The following SLC16A2 variants were observed in gnomAD, a reference collection of about 807,000 sequenced individuals.
SLC16A2 encodes solute carrier family 16 member 2, also known as monocarboxylate transporter 8.
A neutral mutation model predicts 27.2 loss-of-function variants in SLC16A2; 3 were observed. That is an observed-to-expected ratio of 0.11 (90% CI 0.05 to 0.28). The LOEUF (loss-of-function observed/expected upper bound fraction) is 0.28, where lower values mean the gene tolerates loss of function less well. SLC16A2 is among the 10% of genes least tolerant of loss of function. SLC16A2 has a pLI of 1.00. For synonymous variants in SLC16A2, 202 were observed against 187.8 expected (o/e 1.08, Z -0.62); for missense variants, 295 against 458.5 (o/e 0.64, Z 3.26).
chrX:74,479,876 A>G (rs765698210), intron 1 of SLC16A2, among the ~76,000 whole-genome samples: 1 of 111,716 alleles, frequency 9.0e-6, no homozygotes, highest in South Asian at 3.8e-4. Flanking sequence ...CAGCCGTGTG[A>G]GTTGTCAGTC....
At position 74,498,924 on chromosome X, in the gene SLC16A2, G is replaced by T. The variant is rs143920908; in HGVS notation, c.431-22066G>T. ...TTTTGGCTACTGGCCCAGGTAAGGG[G>T]CCTGTGCCTATGGAATACAGTGGGT... On this transcript the variant is annotated intron_variant, in intron 1 of 5. Coordinates refer to ENST00000587091, the MANE Select transcript of SLC16A2 (RefSeq NM_006517.5). Among the ~76,000 whole-genome samples, 508 of 111,730 alleles carry T rather than the reference G, an allele frequency of 4.5e-3. 2 individuals carry two copies. Among genetic ancestry groups the T allele is most frequent in the African/African-American group, 0.016 (495 of 30,689 alleles).
intron 1 of SLC16A2, among the ~76,000 whole-genome samples, chrX:74,510,376 G>A (rs1215297610): frequency 1.8e-5 from 2 of 109,685 alleles, no homozygotes; most frequent in African/African-American, 3.3e-5. Flanking sequence ...ACACTGGTGT[G>A]TTTTAGTAAA....
intron 1 of SLC16A2, among the ~76,000 whole-genome samples, chrX:74,427,089 C>T (rs1297262696): frequency 8.9e-6 from 1 of 112,022 alleles, no homozygotes; most frequent in Non-Finnish European, 1.9e-5. Context: ...AGCGTTTGAA[C>T]CTGTTCCTCA....
At chrX:74,436,210 T>C (rs1182654949) in intron 1 of SLC16A2, among the ~76,000 whole-genome samples, 1 of 111,819 alleles carries the variant, frequency 8.9e-6, no homozygotes, top group East Asian at 2.8e-4. Context: ...TGTGTGTGTG[T>C]GTGTGTGCGC....
At chrX:74,450,402 A>T (rs1313918240) in intron 1 of SLC16A2, among the ~76,000 whole-genome samples, 1 of 111,719 alleles carries the variant, frequency 9.0e-6, no homozygotes, top group East Asian at 2.8e-4. Flanking sequence ...TTTGGGTCTA[A>T]GTCTCTTCCT....
At chrX:74,440,584 G>T (rs568134741) in intron 1 of SLC16A2, among the ~76,000 whole-genome samples, 1 of 101,360 alleles carries the variant, frequency 9.9e-6, no homozygotes, top group Non-Finnish European at 2.0e-5. Flanking sequence ...TTAGCCAAGC[G>T]TGTTTATTTC....
At chrX:74,488,160 T>G (rs1370596603) in intron 1 of SLC16A2, among the ~76,000 whole-genome samples, 1 of 111,824 alleles carries the variant, frequency 8.9e-6, no homozygotes, top group African/African-American at 3.2e-5. Flanking sequence ...TCAAAAAAAT[T>G]ACTTGATTAG....
chrX:74,422,204 C>T, intron 1 of SLC16A2, 137 bp downstream of exon 1: 1 of 638,751 alleles, frequency 1.6e-6, no homozygotes, highest in Non-Finnish European at 2.5e-6. Flanking sequence ...TTACCCCTTG[C>T]CCCTTGCCCC....
At chrX:74,501,970 A>G (rs1315975164) in intron 1 of SLC16A2, among the ~76,000 whole-genome samples, 1 of 111,604 alleles carries the variant, frequency 9.0e-6, no homozygotes. Context: ...ATAATAATAA[A>G]AAAGAATATA....
intron 1 of SLC16A2, among the ~76,000 whole-genome samples, chrX:74,440,856 C>G (rs1018941403): frequency 1.8e-5 from 2 of 110,043 alleles, no homozygotes; most frequent in African/African-American, 6.6e-5. Flanking sequence ...AGGGTAGAGT[C>G]AGGTCTGACC....
Position 74,421,632 on chromosome X carries a change from G to T in SLC16A2, c.-6G>T, listed in dbSNP as rs752353523. ...TGGCCCAAGCAGCCACAGTCCCCCC[G>T]CCGCGATGGCGCTGCAAAGCCAGGC... On this transcript the variant is annotated 5_prime_UTR_variant, in exon 1 of 6. Coordinates refer to ENST00000587091, the MANE Select transcript of SLC16A2 (RefSeq NM_006517.5). 3 of 1,204,082 alleles carry T rather than the reference G, an allele frequency of 2.5e-6. No homozygotes were observed. The highest frequency in any genetic ancestry group is 4.4e-5 in the Admixed American group (2 of 45,618).
chrX:74,449,944 T>A (rs1355324331), intron 1 of SLC16A2, among the ~76,000 whole-genome samples: 1 of 112,207 alleles, frequency 8.9e-6, no homozygotes, highest in African/African-American at 3.2e-5. Context: ...GATAATGGGA[T>A]GATCTTTGTC....
At chrX:74,474,189 T>C (rs1929417015) in intron 1 of SLC16A2, among the ~76,000 whole-genome samples, 1 of 112,004 alleles carries the variant, frequency 8.9e-6, no homozygotes, top group Non-Finnish European at 1.9e-5. Context: ...TATTAAGTGT[T>C]CTGATCCATG....
chrX:74,427,854 A>T (rs746529877), intron 1 of SLC16A2, among the ~76,000 whole-genome samples: 2 of 108,777 alleles, frequency 1.8e-5, no homozygotes, highest in Admixed American at 1.9e-4. Context: ...CATACCCTAC[A>T]CCCTAAGCCA....
chrX:74,505,438 G>A (rs186616181), intron 1 of SLC16A2, among the ~76,000 whole-genome samples: 38 of 112,286 alleles, frequency 3.4e-4, no homozygotes, highest in Admixed American at 3.0e-3. Flanking sequence ...CCATACTTTT[G>A]CAGTTCCTCT....
intron 1 of SLC16A2, among the ~76,000 whole-genome samples, chrX:74,490,011 A>G (rs1929795654): frequency 1.9e-5 from 2 of 108,076 alleles, no homozygotes; most frequent in Admixed American, 1.0e-4. Context: ...ACACACACGC[A>G]AAGATCCTAT....
intron 1 of SLC16A2, among the ~76,000 whole-genome samples, chrX:74,471,819 C>T (rs1378013827): frequency 8.9e-6 from 1 of 111,738 alleles, no homozygotes; most frequent in Non-Finnish European, 1.9e-5. Flanking sequence ...TCTTCTCAGT[C>T]CTTGGCAACC....
intron 1 of SLC16A2, among the ~76,000 whole-genome samples, chrX:74,487,165 G>A (rs1199798702): frequency 9.0e-6 from 1 of 110,623 alleles, no homozygotes; most frequent in East Asian, 2.8e-4. Flanking sequence ...GCAGAGAGTT[G>A]CATTCGTGAG....
intron 1 of SLC16A2, among the ~76,000 whole-genome samples, chrX:74,502,933 T>C (rs1055685257): frequency 1.1e-4 from 12 of 110,288 alleles, no homozygotes; most frequent in Admixed American, 4.9e-4. Context: ...GCCTTCTGCT[T>C]GGACTGGCCA....
Sources: allele counts gnomAD v4.1 joint callset (sites outside exome capture counted in the v4.1 genomes callset), GRCh38; gene constraint gnomAD v4.1.1; transcripts MANE v1.5; gene names NCBI Gene and HGNC (gene_info 2026-07-23, HGNC 2026-07-21).